Variants in NUMBL observed in about 807,000 individuals in gnomAD.
NUMBL encodes the protein numb-like protein.
A neutral mutation model predicts 48.9 loss-of-function variants in NUMBL; 20 were observed. The observed-to-expected ratio is 0.41, with a 90% confidence interval of 0.29 to 0.59. The LOEUF (loss-of-function observed/expected upper bound fraction) is 0.59. Among genes scored for constraint, NUMBL ranks in the 20% least tolerant of loss-of-function variants. NUMBL has a pLI of 0.31. For synonymous variants in NUMBL, 340 were observed against 348.7 expected (o/e 0.98, Z 0.28); for missense variants, 660 against 846.2 (o/e 0.78, Z 2.73).
intron 6 of NUMBL, among the ~76,000 whole-genome samples, chr19:40,679,815 T>C (rs1034383143): frequency 6.6e-6 from 1 of 150,902 alleles, no homozygotes; most frequent in African/African-American, 2.4e-5. Flanking sequence ...GGGGCTGGGG[T>C]AGTGGGGAGA....
intron 8 of NUMBL, among the ~76,000 whole-genome samples, chr19:40,672,386 AC>A (rs1158617681): frequency 2.6e-5 from 4 of 152,156 alleles, no homozygotes; most frequent in Admixed American, 2.0e-4. Flanking sequence ...GTAAAACAGG[AC>A]CTTTATATCT....
At position 40,682,938 on chromosome 19, in the gene NUMBL, G is replaced by T; in HGVS notation, c.280C>A (p.Arg94=). ...YLGHVEVEES[R]GMHVCEDAVK... is the part of the protein sequence containing the mutation. The stretch of plus-strand genomic sequence containing the variant: ...GCATCTTCACACACGTGCATTCCCC[G>T]GGACTCCTCTACCTCCACGTGACCC... Residue 94 remains arginine (R), a synonymous_variant, in exon 4 of 10, where the codon CGG becomes AGG. Coordinates refer to ENST00000252891, the MANE Select transcript of NUMBL (RefSeq NM_004756.5). This position sits in a 1 kb window ranked among gnomAD's most constrained non-coding sequence, Gnocchi z 4.0. 2 of 1,613,688 alleles carry T rather than the reference G, an allele frequency of 1.2e-6. No individual in the cohort carries two copies. Among genetic ancestry groups the T allele is most frequent in the Non-Finnish European group, 1.7e-6 (2 of 1,179,972 alleles).
rs1043672218 is a variant in NUMBL, at chr19:40,670,298, G to A, written c.1037-278C>T. On this transcript the variant is annotated intron_variant, in intron 8 of 9. Transcript: ENST00000252891. ...TGTGTGGCCACAAACCAGAAGAGTT[G>A]TCTAAAACACTTAGCAACATATATT... is the stretch of plus-strand genomic sequence containing the variant. Among the ~76,000 whole-genome samples the A allele has an allele frequency of 2.0e-5, 3 of 152,192 alleles. 1 individual carries two copies. The highest frequency in any genetic ancestry group is 6.3e-3 in the Middle Eastern group (2 of 316).
chr19:40,675,742 C>T (rs534636672), intron 7 of NUMBL, among the ~76,000 whole-genome samples: 38 of 151,826 alleles, frequency 2.5e-4, no homozygotes, highest in East Asian at 7.7e-4. Flanking sequence ...CTCTTACACA[C>T]GCGTGCACAC....
At chr19:40,684,665 T>C (rs2144665817) in intron 2 of NUMBL, 109 bp from the exon 3 acceptor site, 4 of 1,413,704 alleles carry the variant, frequency 2.8e-6, no homozygotes, top group South Asian at 2.9e-5. Context: ...ACAAGATAAC[T>C]GGAAGCGGGG....
Position 40,667,511 on chromosome 19 carries a change from G to T in NUMBL, c.1787C>A (p.Pro596His). 6.3e-7 allele frequency: 1 copy of T among 1,591,112 alleles called. No individual in the cohort carries two copies. The highest frequency in any genetic ancestry group is 2.3e-5 in the East Asian group (1 of 44,150). ...GKATVEKPSN[P>H]FSGDLQKTFE... is the part of the protein sequence containing the mutation. Reference sequence around the variant, plus strand: ...TGTCTTTTGCAGGTCGCCAGAAAAGGGGTTGGAGGGTTTCTCTACAGTGGC... The same window carrying T: ...TGTCTTTTGCAGGTCGCCAGAAAAGTGGTTGGAGGGTTTCTCTACAGTGGC... The change falls in exon 10 of 10, where the codon CCC (proline) becomes CAC (histidine). Residue 596 changes from proline (P) to histidine (H), a missense_variant. Physicochemically the swap from Pro to His is moderately conservative, Grantham distance 77. Coordinates refer to ENST00000252891, the MANE Select transcript of NUMBL (RefSeq NM_004756.5). The surrounding 1 kb of genome is among the most constrained non-coding windows in gnomAD (Gnocchi z 6.1).
At chr19:40,679,296 C>T (rs1015416995) in intron 6 of NUMBL, among the ~76,000 whole-genome samples, 6 of 152,158 alleles carry the variant, frequency 3.9e-5, no homozygotes, top group Admixed American at 6.5e-5. Flanking sequence ...GTGGGAGAAT[C>T]GCTTGAACCC....
rs1018840742 is a variant in NUMBL, at chr19:40,673,920, C to G, written c.731-271G>C. Among the ~76,000 whole-genome samples, 2 of 152,250 alleles carry G rather than the reference C, an allele frequency of 1.3e-5. No individual in the cohort carries two copies. Among genetic ancestry groups the G allele is most frequent in the East Asian group, 3.9e-4 (2 of 5,186 alleles). ...TTTCTGTCTTGCCCTGCTGCTCTCA[C>G]CATTCTTCCCTCTAAGACCCTCTAT... On this transcript the variant is annotated intron_variant, in intron 7 of 9. Coordinates refer to ENST00000252891, the MANE Select transcript of NUMBL (RefSeq NM_004756.5). This position sits in a 1 kb window ranked among gnomAD's most constrained non-coding sequence, Gnocchi z 5.9.
chr19:40,676,032 T>C (rs2081874450), intron 7 of NUMBL, among the ~76,000 whole-genome samples: 1 of 152,046 alleles, frequency 6.6e-6, no homozygotes, highest in African/African-American at 2.4e-5. Flanking sequence ...GCCTGGCTAA[T>C]TTTTTAATGA....
rs1568434051 is a variant in NUMBL at position 40,690,624 on chromosome 19, G to C, written c.-141C>G. On this transcript the variant is annotated 5_prime_UTR_variant, in exon 1 of 10. Coordinates refer to ENST00000252891, the MANE Select transcript of NUMBL (RefSeq NM_004756.5). ...GGGGGATGGTGCGGGATGCACGCGC[G>C]CGAGCCTCCTCGGCTCCCGGGAGGA... The C allele has an allele frequency of 2.4e-6, 1 of 411,308 alleles. No individual in the cohort carries two copies. The highest frequency in any genetic ancestry group is 4.0e-6 in the Non-Finnish European group (1 of 249,320). 25.5% of individuals were successfully genotyped at this position (411,308 alleles called of 1,614,324 possible). A position where few individuals can be genotyped will look rare whatever the true frequency, so the allele number is the denominator to read the frequency against.
Position 40,682,220 on chromosome 19 carries a change from G to A in NUMBL, c.399+508C>T, listed in dbSNP as rs1023091105. On this transcript the variant is annotated intron_variant, in intron 5 of 9. Transcript: ENST00000252891. This position sits in a 1 kb window ranked among gnomAD's most constrained non-coding sequence, Gnocchi z 4.0. ...CCGCTCACCGCAACCTCCAAGTCTC[G>A]GGTTCAAGAGATTCTCCTGCCTCAG... Among the ~76,000 whole-genome samples, 1 of 151,940 alleles carries A rather than the reference G, an allele frequency of 6.6e-6. No homozygotes were observed. Among genetic ancestry groups the A allele is most frequent in the African/African-American group, 2.4e-5 (1 of 41,360 alleles).
In NUMBL at chr19:40,669,991, C is replaced by T. The variant is rs368676373; in HGVS notation, c.1066G>A (p.Asp356Asn). The T allele has an allele frequency of 9.3e-6, 15 of 1,613,720 alleles. No individual in the cohort carries two copies. The highest frequency in any genetic ancestry group is 5.0e-5 in the Admixed American group (3 of 59,966). ...CACAGAGCGTTGATGCTGTCACTGT[C>T]GCCGGCACCAGGAGGCTCCATCTCA... ...VPEMEPPGAG[D>N]SDSINALCTQ... is the part of the protein sequence containing the mutation. Residue 356 changes from aspartate to asparagine, a missense_variant, in exon 9 of 10, where the codon GAC becomes AAC. This residue lies in a region of NUMBL where 296 missense variants were observed against 339.7 expected (regional missense o/e 0.87). Coordinates refer to ENST00000252891, the MANE Select transcript of NUMBL (RefSeq NM_004756.5).
rs1277107014 is a variant in NUMBL, at chr19:40,667,827, C to T, written c.1471G>A (p.Val491Met). The T allele has an allele frequency of 6.3e-7, 1 of 1,589,272 alleles. No individual in the cohort carries two copies. Among genetic ancestry groups the T allele is most frequent in the Admixed American group, 1.8e-5 (1 of 56,386 alleles). The change falls in exon 10 of 10, where the codon GTG (valine) becomes ATG (methionine). Residue 491 changes from valine to methionine, a missense_variant. By Grantham distance (21) the Val-to-Met change is conservative. Coordinates refer to ENST00000252891, the MANE Select transcript of NUMBL (RefSeq NM_004756.5). The surrounding 1 kb of genome is among the most constrained non-coding windows in gnomAD (Gnocchi z 6.1). ...TAGCCCAAGCCCGGGTAGGCGGGCA[C>T]AAAAGGGGGCTGCATGTGTGGGGGT... Reference protein sequence around the residue: ...LPPPHMQPPFVPAYPGLGYPP... With the variant: ...LPPPHMQPPFMPAYPGLGYPP...
chr19:40,678,171 A>T (rs949493324), intron 6 of NUMBL, among the ~76,000 whole-genome samples: 8 of 151,516 alleles, frequency 5.3e-5, no homozygotes, highest in African/African-American at 1.9e-4. Context: ...TTATTTATTT[A>T]TTTTTTTTCT....
At chr19:40,670,653 GA>G (rs1166167349) in intron 8 of NUMBL, among the ~76,000 whole-genome samples, 1 of 152,240 alleles carries the variant, frequency 6.6e-6, no homozygotes, top group Non-Finnish European at 1.5e-5. Flanking sequence ...GTCTCCAAGG[GA>G]CCATGTAGAT....
intron 8 of NUMBL, among the ~76,000 whole-genome samples, chr19:40,671,376 G>C (rs995435054): frequency 2.8e-5 from 1 of 36,082 alleles, no homozygotes; most frequent in African/African-American, 2.7e-4. Context: ...ACATGTGTGT[G>C]GGGGGGTGCA....
In NUMBL at chr19:40,677,319, T is replaced by C; in HGVS notation, c.643A>G (p.Ser215Gly). ...CCCTCGCGGGCGAAGCTGGTGCGGC[T>C]GGCATCGAAGGCGGCCGTGACCCCA... ...ECGVTAAFDA[S>G]RTSFAREGSF... Residue 215 changes from serine (S) to glycine (G), a missense_variant, in exon 7 of 10, where the codon AGC (serine) becomes GGC (glycine). This residue lies in a region of NUMBL where 278 missense variants were observed against 420.6 expected (regional missense o/e 0.66). Coordinates refer to ENST00000252891, the MANE Select transcript of NUMBL (RefSeq NM_004756.5). 1 of 1,612,132 alleles carries C rather than the reference T, an allele frequency of 6.2e-7. No individual in the cohort carries two copies. The highest frequency in any genetic ancestry group is 8.5e-7 in the Non-Finnish European group (1 of 1,179,804).
At chr19:40,670,550 G>C (rs999832300) in intron 8 of NUMBL, among the ~76,000 whole-genome samples, 7 of 151,920 alleles carry the variant, frequency 4.6e-5, no homozygotes, top group African/African-American at 1.7e-4. Context: ...CCCCGTGAGG[G>C]CTTGTGATGA....
At chr19:40,690,431 C>T in intron 1 of NUMBL, 29 bp downstream of exon 1, 2 of 1,224,894 alleles carry the variant, frequency 1.6e-6, no homozygotes, top group Non-Finnish European at 2.1e-6. Context: ...CCGCCCCCGA[C>T]CCGAGCCCCC....
Sources: gnomAD v4.1 joint callset for allele counts (sites outside exome capture counted in the v4.1 genomes callset) on GRCh38, gnomAD v4.1.1 for gene constraint, gnomAD v4.1.1 regional missense constraint, Gnocchi (gnomAD v3.1) non-coding constraint, MANE v1.5 for transcripts, NCBI Gene and HGNC (gene_info 2026-07-23, HGNC 2026-07-21) for gene names.